The following RYR2 variants were observed in gnomAD, a reference collection of about 807,000 sequenced individuals.
RYR2 encodes the protein cardiac muscle ryanodine receptor-calcium release channel.
Under a neutral mutation model 601.1 loss-of-function variants are expected in RYR2, and 227 were observed. The ratio of observed to expected loss-of-function variants is 0.38; its 90% CI spans 0.34 to 0.42. The LOEUF is 0.42. Among genes scored for constraint, RYR2 ranks in the 10% least tolerant of loss-of-function variants. The pLI is 1.00. For missense variants in RYR2, 4,646 were observed against 6,156.5 expected (o/e 0.75, Z 8.21); for synonymous variants, 2,223 against 2,175.1 (o/e 1.02, Z -0.61).
At chr1:237,425,928 T>C (rs1706106371) in intron 12 of RYR2, among the ~76,000 whole-genome samples, 1 of 152,098 alleles carries the variant, frequency 6.6e-6, no homozygotes, top group Non-Finnish European at 1.5e-5. Context: ...TTTTTATATT[T>C]TATATTTTTG....
chr1:237,557,075 AAGAC>A (rs1670980951), intron 27 of RYR2, among the ~76,000 whole-genome samples: 2 of 152,062 alleles, frequency 1.3e-5, no homozygotes, highest in South Asian at 4.1e-4. Flanking sequence ...ACTGGATACT[AAGAC>A]AGCTCACTTG....
intron 12 of RYR2, among the ~76,000 whole-genome samples, chr1:237,436,475 T>TTTTTTTTTTTTTTTTTTTTTTTC (rs1707384063): frequency 8.4e-6 from 1 of 119,668 alleles, no homozygotes; most frequent in African/African-American, 3.4e-5. Context: ...TTTTTTTTTT[T>TTTTTTTTTTTTTTTTTTTTTTTC]TTTGCATTTC....
chr1:237,188,082 T>C (rs1679564402), intron 1 of RYR2, among the ~76,000 whole-genome samples: 1 of 152,186 alleles, frequency 6.6e-6, no homozygotes, highest in African/African-American at 2.4e-5. Flanking sequence ...AGCAGCTAGT[T>C]TGAAAAACTG....
intron 28 of RYR2, among the ~76,000 whole-genome samples, chr1:237,568,405 T>C (rs2805392): frequency 0.93 from 142,208 of 152,262 alleles, 67,148 homozygotes; most frequent in East Asian, 1. Flanking sequence ...TCAGGTGTGC[T>C]TATGAATCAA....
Position 237,591,776 on chromosome 1 carries a change from A to T in RYR2, c.4198A>T (p.Ser1400Cys). The T allele has an allele frequency of 6.2e-7, 1 of 1,613,624 alleles. No homozygotes were observed. Among genetic ancestry groups the T allele is most frequent in the Non-Finnish European group, 8.5e-7 (1 of 1,179,754 alleles). ...LRRTKPDYST[S>C]HSARLTEDVL... ...AAGAACAAAGCCAGATTACAGCACA[A>T]GCCATTCTGCAAGACTCACCGAAGA... Residue 1400 changes from serine to cysteine, a missense_variant, in exon 32 of 105, where the codon AGC (serine) becomes TGC (cysteine). Ser to Cys is a moderately radical substitution (Grantham distance 112, BLOSUM62 -1). Transcript: ENST00000366574.
intron 78 of RYR2, 48 bp downstream of exon 78, chr1:237,732,197 C>A: frequency 9.0e-7 from 1 of 1,112,250 alleles, no homozygotes; most frequent in Non-Finnish European, 1.4e-6. Context: ...CAAATAAAGA[C>A]ACCCGTGTCT....
intron 27 of RYR2, among the ~76,000 whole-genome samples, chr1:237,552,640 G>A (rs1670516023): frequency 6.6e-6 from 1 of 151,894 alleles, no homozygotes; most frequent in Non-Finnish European, 1.5e-5. Flanking sequence ...ATTATCACGT[G>A]TATTTTTTAT....
chr1:237,690,178 G>C (rs571064746), intron 63 of RYR2, among the ~76,000 whole-genome samples: 1 of 152,054 alleles, frequency 6.6e-6, no homozygotes, highest in Non-Finnish European at 1.5e-5. Flanking sequence ...ACATATTATG[G>C]GTATTGGTAT....
chr1:237,360,134 G>A (rs748982654), intron 4 of RYR2, among the ~76,000 whole-genome samples: 16 of 152,164 alleles, frequency 1.1e-4, no homozygotes, highest in African/African-American at 2.2e-4. Flanking sequence ...GAGAACCTGC[G>A]AAATGCTTTC....
chr1:237,554,229 T>G lies in RYR2; in HGVS notation c.3214+3538T>G, dbSNP rs1021989267. Among the ~76,000 whole-genome samples the G allele has an allele frequency of 3.3e-5, 5 of 151,882 alleles. No individual in the cohort carries two copies. The South Asian group carries it at 1.0e-3, about 31-fold the overall frequency. On this transcript the variant is annotated intron_variant, in intron 27 of 104. Coordinates refer to ENST00000366574, the MANE Select transcript of RYR2 (RefSeq NM_001035.3). ...TAGGGTCATGAATTTTGTCCAGTGC[T>G]TTTTTCCCCATTTATTGAACAGATT...
intron 1 of RYR2, among the ~76,000 whole-genome samples, chr1:237,083,979 T>G (rs1572573510): frequency 6.6e-6 from 1 of 152,304 alleles, no homozygotes; most frequent in East Asian, 1.9e-4. Context: ...GCTACCATAT[T>G]GGACAGTGTG....
At chr1:237,398,314 G>T (rs577191621) in intron 10 of RYR2, among the ~76,000 whole-genome samples, 1 of 152,096 alleles carries the variant, frequency 6.6e-6, no homozygotes, top group South Asian at 2.1e-4. Flanking sequence ...AAAAATCCAC[G>T]TGGAGAGGGT....
At chr1:237,263,885 A>T (rs1688774766) in intron 1 of RYR2, among the ~76,000 whole-genome samples, 1 of 152,172 alleles carries the variant, frequency 6.6e-6, no homozygotes, top group Non-Finnish European at 1.5e-5. Context: ...GAAAAATTTA[A>T]AAAAAGCAAA....
At chr1:237,216,711 G>C (rs1683195474) in intron 1 of RYR2, among the ~76,000 whole-genome samples, 1 of 151,022 alleles carries the variant, frequency 6.6e-6, no homozygotes, top group African/African-American at 2.4e-5. Context: ...ACTCCAGCTT[G>C]GGCGACACGG....
chr1:237,079,495 G>A (rs1179860017), intron 1 of RYR2, among the ~76,000 whole-genome samples: 1 of 41,258 alleles, frequency 2.4e-5, no homozygotes. Flanking sequence ...CAGACAAACA[G>A]AGAGCCAAAT....
At chr1:237,756,208 A>G in intron 80 of RYR2, 80 bp from the exon 81 acceptor site, 1 of 854,680 alleles carries the variant, frequency 1.2e-6, no homozygotes, top group Non-Finnish European at 2.0e-6. Flanking sequence ...ATACATGAAG[A>G]GATGACTAAA....
intron 2 of RYR2, among the ~76,000 whole-genome samples, chr1:237,308,010 C>T: frequency 6.6e-6 from 1 of 151,312 alleles, no homozygotes; most frequent in East Asian, 1.9e-4. Context: ...CTTGCTGAGA[C>T]TCCATCTTGA....
At chr1:237,609,999 A>T (rs982428466) in intron 35 of RYR2, among the ~76,000 whole-genome samples, 3 of 152,128 alleles carry the variant, frequency 2.0e-5, no homozygotes, top group Non-Finnish European at 4.4e-5. Context: ...AGTCTACAGC[A>T]TGCAGTTGAG....
chr1:237,781,689 T>C, intron 89 of RYR2, 43 bp downstream of exon 89: 1 of 1,054,070 alleles, frequency 9.5e-7, no homozygotes, highest in Non-Finnish European at 1.4e-6. Flanking sequence ...ATTATCTTAT[T>C]TAAAGGATCA....
Sources: allele counts gnomAD v4.1 joint callset (sites outside exome capture counted in the v4.1 genomes callset), GRCh38; gene constraint gnomAD v4.1.1; transcripts MANE v1.5; gene names NCBI Gene and HGNC (gene_info 2026-07-23, HGNC 2026-07-21).